CCNT2: variants seen among roughly 807,000 people sequenced by gnomAD.
CCNT2 encodes the protein cyclin-T2.
CCNT2 carries 18 observed loss-of-function variants against 70.0 expected under a neutral mutation model. That is an observed-to-expected ratio of 0.26 (90% CI 0.18 to 0.38). The LOEUF is 0.38. Among genes scored for constraint, CCNT2 ranks in the 10% least tolerant of loss-of-function variants. The pLI is 1.00. For synonymous variants in CCNT2, 334 were observed against 313.3 expected, an observed-to-expected ratio of 1.07 and a Z score of -0.70; for missense variants, 734 against 890.2, an observed-to-expected ratio of 0.82 and a Z score of 2.23.
At chr2:134,941,699 A>G (rs1225814224) in intron 4 of CCNT2, among the ~76,000 whole-genome samples, 23 of 152,240 alleles carry the variant, frequency 1.5e-4, no homozygotes, top group Non-Finnish European at 1.0e-4. Context: ...TTGAAAATGA[A>G]AAATCATAAA....
intron 2 of CCNT2, among the ~76,000 whole-genome samples, chr2:134,927,131 A>G (rs1338490282): frequency 6.6e-6 from 1 of 152,210 alleles, no homozygotes; most frequent in Admixed American, 6.5e-5. Flanking sequence ...AATATATGAT[A>G]TTTTTGATTG....
chr2:134,929,613 C>CAGAGAGAGAGAGGGAGAGAGAGAG (rs1680577206), intron 2 of CCNT2, among the ~76,000 whole-genome samples: 1 of 117,620 alleles, frequency 8.5e-6, no homozygotes, highest in Non-Finnish European at 1.6e-5. Context: ...GTCTCAAAAA[C>CAGAGAGAGAGAGGGAGAGAGAGAG]AGAGAGAGAG....
At chr2:134,935,856 A>G (rs893299796) in intron 2 of CCNT2, among the ~76,000 whole-genome samples, 2 of 151,998 alleles carry the variant, frequency 1.3e-5, no homozygotes, top group African/African-American at 4.8e-5. Flanking sequence ...CAAAGTTTCT[A>G]CTATATTGGT....
At chr2:134,922,951 A>G (rs1404627358) in intron 2 of CCNT2, among the ~76,000 whole-genome samples, 2 of 152,146 alleles carry the variant, frequency 1.3e-5, no homozygotes, top group Non-Finnish European at 2.9e-5. Flanking sequence ...CTTGAGCTCT[A>G]GCAATCAGAA....
rs915799473 is a variant in CCNT2 at position 134,944,091 on chromosome 2, C to A, written c.493+1417C>A. The stretch of plus-strand genomic sequence containing the variant: ...ATTTGTATTTTTTTGTAGTAGCACA[C>A]GTTATCATTTGTAAGCTAGAACATA... On this transcript the variant is annotated intron_variant, in intron 5 of 8. Coordinates refer to ENST00000264157, the MANE Select transcript of CCNT2 (RefSeq NM_058241.3). 4 of 983,850 alleles carry A rather than the reference C, an allele frequency of 4.1e-6. No individual in the cohort carries two copies. In the African/African-American group the frequency reaches 7.0e-5, roughly 17 times the overall value. The allele number at this position is 983,850 out of a possible 1,614,324, so 60.9% of individuals were successfully genotyped here. A position where few individuals can be genotyped will look rare whatever the true frequency, so the allele number is the denominator to read the frequency against.
intron 2 of CCNT2, among the ~76,000 whole-genome samples, chr2:134,924,769 A>G (rs1680159839): frequency 6.6e-6 from 1 of 151,846 alleles, no homozygotes; most frequent in African/African-American, 2.4e-5. Flanking sequence ...TACTCTAATC[A>G]CTTTCTTTAT....
intron 4 of CCNT2, among the ~76,000 whole-genome samples, chr2:134,940,158 C>T (rs1045372689): frequency 6.6e-6 from 1 of 152,182 alleles, no homozygotes; most frequent in Non-Finnish European, 1.5e-5. Context: ...TGCGATAAAT[C>T]AGTCACAATT....
intron 8 of CCNT2, 143 bp from the exon 9 acceptor site, chr2:134,953,087 C>T: frequency 1.7e-6 from 1 of 588,672 alleles, no homozygotes; most frequent in South Asian, 2.9e-5. Context: ...TATTTACTGA[C>T]AACATAAAAT....
intron 4 of CCNT2, among the ~76,000 whole-genome samples, chr2:134,940,935 G>T (rs1282437694): frequency 6.6e-6 from 1 of 152,184 alleles, no homozygotes; most frequent in Non-Finnish European, 1.5e-5. Flanking sequence ...CCAGTGTAAG[G>T]TTCAGTGTGA....
At chr2:134,931,322 G>A (rs1335365546) in intron 2 of CCNT2, among the ~76,000 whole-genome samples, 1 of 108,884 alleles carries the variant, frequency 9.2e-6, no homozygotes, top group Non-Finnish European at 1.8e-5. Flanking sequence ...AGCACCATTT[G>A]CTGAAAAGAG....
At chr2:134,948,043 G>A (rs902222783) in intron 7 of CCNT2, 144 bp downstream of exon 7, 36 of 466,906 alleles carry the variant, frequency 7.7e-5, no homozygotes, top group South Asian at 6.7e-4. Context: ...AATAGAGTCT[G>A]GAAGCTGTGC....
At chr2:134,946,970 A>C (rs907068495) in intron 6 of CCNT2, among the ~76,000 whole-genome samples, 1 of 152,206 alleles carries the variant, frequency 6.6e-6, no homozygotes, top group East Asian at 1.9e-4. Flanking sequence ...AAATACTGCT[A>C]TATTTTCTCA....
Position 134,957,521 on chromosome 2 carries a change from A to G in CCNT2, c.*2873A>G, listed in dbSNP as rs775460544. On this transcript the variant is annotated 3_prime_UTR_variant, in exon 9 of 9. Transcript: ENST00000264157. ...TTCTACCTCTTCCATTCAGTTTTCCAATATTGAGCTGTGTCCCTCTGAATA... is the reference window on the plus strand; with the variant it reads ...TTCTACCTCTTCCATTCAGTTTTCCGATATTGAGCTGTGTCCCTCTGAATA... 1 of 152,148 alleles carries G rather than the reference A, an allele frequency of 6.6e-6. No individual in the cohort carries two copies. The highest frequency in any genetic ancestry group is 1.5e-5 in the Non-Finnish European group (1 of 68,000). The allele number at this position is 152,148 out of a possible 1,614,324, so 9.4% of individuals were successfully genotyped here.
At chr2:134,940,318 G>A (rs1681478485) in intron 4 of CCNT2, among the ~76,000 whole-genome samples, 2 of 151,792 alleles carry the variant, frequency 1.3e-5, no homozygotes, top group Admixed American at 1.3e-4. Flanking sequence ...GCAACAATTT[G>A]AAAAAACTTG....
rs1485428675 is a variant in CCNT2 at position 134,919,823 on chromosome 2, A to G, written c.172A>G (p.Ile58Val). Residue 58 changes from isoleucine (I) to valine (V), a missense_variant, in exon 2 of 9, where the codon ATA (isoleucine) becomes GTA (valine). This residue lies in a region of CCNT2 where 161 missense variants were observed against 303.8 expected (regional missense o/e 0.53). Transcript: ENST00000264157. ...GQRLNVSQLT[I>V]NTAIVYMHRF... Reference sequence around the variant, plus strand: ...ATTACGTTCCAGCTCTCAGCTTACAATAAACACTGCGATTGTTTATATGCA... The same window carrying G: ...ATTACGTTCCAGCTCTCAGCTTACAGTAAACACTGCGATTGTTTATATGCA... 1.2e-6 allele frequency: 2 copies of G among 1,611,620 alleles called. No individual in the cohort carries two copies. Among genetic ancestry groups the G allele is most frequent in the Non-Finnish European group, 8.5e-7 (1 of 1,178,724 alleles).
intron 2 of CCNT2, among the ~76,000 whole-genome samples, chr2:134,922,294 T>C (rs141463346): frequency 1.3e-5 from 2 of 152,372 alleles, no homozygotes; most frequent in Admixed American, 6.5e-5. Context: ...TCTAGTCTTA[T>C]AGTAAATATT....
chr2:134,935,236 A>G (rs1375003323), intron 2 of CCNT2, among the ~76,000 whole-genome samples: 2 of 152,220 alleles, frequency 1.3e-5, no homozygotes, highest in African/African-American at 2.4e-5. Context: ...TGAAAGTGCA[A>G]ATTAAAATTA....
intron 1 of CCNT2, 49 bp from the exon 2 acceptor site, chr2:134,919,761 G>T (rs1306939285): frequency 7.2e-7 from 1 of 1,394,636 alleles, no homozygotes; most frequent in African/African-American, 1.4e-5. Context: ...AATTGTTCTG[G>T]GAATGAGATC....
rs771409434 is a variant in CCNT2, at chr2:134,954,288, C to T, written c.1833C>T (p.Ser611=). The change falls in exon 9 of 9, where the codon TCC becomes TCT. Residue 611 remains serine, a synonymous_variant. Transcript: ENST00000264157. ...TTGGCCTGAGCAGTGATGGCATTTC[C>T]TCTAGCTCCAGCTCTTCAAGGAAGA... is the stretch of plus-strand genomic sequence containing the variant. ...SPVGLSSDGI[S]SSSSSSRKRL... 2.5e-6 allele frequency: 4 copies of T among 1,614,176 alleles called. No homozygotes were observed. The highest frequency in any genetic ancestry group is 3.4e-6 in the Non-Finnish European group (4 of 1,179,994).
Sources: gnomAD v4.1 joint callset for allele counts (sites outside exome capture counted in the v4.1 genomes callset) on GRCh38, gnomAD v4.1.1 for gene constraint, gnomAD v4.1.1 regional missense constraint, MANE v1.5 for transcripts, NCBI Gene and HGNC (gene_info 2026-07-23, HGNC 2026-07-21) for gene names.